CCR1: variants seen among roughly 807,000 people sequenced by gnomAD.
CCR1 encodes C-C chemokine receptor type 1.
Under a neutral mutation model 0.3 loss-of-function variants are expected in CCR1, and 1 was observed. The ratio of observed to expected loss-of-function variants is 3.70; its 90% CI spans 1.31 to 17.54. The LOEUF is 17.54. Among genes scored for constraint, CCR1 ranks in the 30% most tolerant of loss-of-function variants. The pLI is 0.11. For synonymous variants in CCR1, 207 were observed against 182.5 expected (o/e 1.13, Z -1.08); for missense variants, 349 against 435.4 (o/e 0.80, Z 1.77).
Position 46,202,782 on chromosome 3 carries a change from C to CGGGGGGGGGGGGGG in CCR1, c.*463_*464insCCCCCCCCCCCCCC, listed in dbSNP as rs1369711659. 3.0e-5 allele frequency: 2 copies of CGGGGGGGGGGGGGG among 66,634 alleles called. No homozygotes were observed. Among genetic ancestry groups the CGGGGGGGGGGGGGG allele is most frequent in the African/African-American group, 5.8e-5 (1 of 17,166 alleles). The allele number at this position is 66,634 out of a possible 1,614,324, so 4.1% of individuals were successfully genotyped here. ...AAGTTCTTTGGCAGTGGGAGGGTGGCGGGGGGGGGGAGGTGATGGAAGAAC... is the reference window on the plus strand; with the variant it reads ...AAGTTCTTTGGCAGTGGGAGGGTGGCGGGGGGGGGGGGGGGGGGGGGGGGAGGTGATGGAAGAAC... On this transcript the variant is annotated 3_prime_UTR_variant, in exon 2 of 2. Coordinates refer to ENST00000296140, the MANE Select transcript of CCR1 (RefSeq NM_001295.3).
In CCR1 at chr3:46,202,641, T is replaced by C. The variant is rs1699606584; in HGVS notation, c.*605A>G. ...CTCAACTCTTCCGTCATGAGTTCTATGTTCCCCAGGATTCCAAGAGCCCAA... is the reference window on the plus strand; with the variant it reads ...CTCAACTCTTCCGTCATGAGTTCTACGTTCCCCAGGATTCCAAGAGCCCAA... On this transcript the variant is annotated 3_prime_UTR_variant, in exon 2 of 2. Transcript: ENST00000296140. 1 of 152,184 alleles carries C rather than the reference T, an allele frequency of 6.6e-6. No homozygotes were observed. Among genetic ancestry groups the C allele is most frequent in the African/African-American group, 2.4e-5 (1 of 41,452 alleles). The allele number at this position is 152,184 out of a possible 1,614,324, so 9.4% of individuals were successfully genotyped here.
Position 46,203,157 on chromosome 3 carries a change from C to G in CCR1, c.*89G>C. 1 of 941,988 alleles carries G rather than the reference C, an allele frequency of 1.1e-6. No homozygotes were observed. Among genetic ancestry groups the G allele is most frequent in the Non-Finnish European group, 1.6e-6 (1 of 614,912 alleles). 58.4% of individuals were successfully genotyped at this position (941,988 alleles called of 1,614,324 possible). On this transcript the variant is annotated 3_prime_UTR_variant, in exon 2 of 2. Transcript: ENST00000296140. The surrounding 1 kb of genome is among the most constrained non-coding windows in gnomAD (Gnocchi z 4.5). ...TGTGACTCCATGCTGTGCCAAGAGT[C>G]AGAACCTGGCTGGGAGAGCCAGGCT... is the stretch of plus-strand genomic sequence containing the variant.
chr3:46,204,104 G>A lies in CCR1; in HGVS notation c.210C>T (p.Ser70=), dbSNP rs1485592413. 6.2e-7 allele frequency: 1 copy of A among 1,614,162 alleles called. No homozygotes were observed. The highest frequency in any genetic ancestry group is 2.2e-5 in the East Asian group (1 of 44,870). The change falls in exon 2 of 2, where the codon AGC becomes AGT. Residue 70 remains serine (S), a synonymous_variant. Transcript: ENST00000296140. ...AAATGGCCAGGTTCAGGAGGTAGAT[G>A]CTGGTCATGTTTTTTAGCCTCTTGT... ...VQYKRLKNMT[S]IYLLNLAISD...
Position 46,202,045 on chromosome 3 carries a change from G to A in CCR1, c.*1201C>T, listed in dbSNP as rs200138304. The A allele has an allele frequency of 6.6e-6, 1 of 152,092 alleles. No homozygotes were observed. Among genetic ancestry groups the A allele is most frequent in the Non-Finnish European group, 1.5e-5 (1 of 68,020 alleles). 9.4% of individuals were successfully genotyped at this position (152,092 alleles called of 1,614,324 possible). Reference sequence around the variant, plus strand: ...AAGGCATGATAAATAAGGGGTCCTTGGTTGGAGATGATGCATCCAGAACAT... The same window carrying A: ...AAGGCATGATAAATAAGGGGTCCTTAGTTGGAGATGATGCATCCAGAACAT... On this transcript the variant is annotated 3_prime_UTR_variant, in exon 2 of 2. Transcript: ENST00000296140.
At chr3:46,207,293 C>T (rs1559520988) in intron 1 of CCR1, among the ~76,000 whole-genome samples, 1 of 152,104 alleles carries the variant, frequency 6.6e-6, no homozygotes, top group East Asian at 1.9e-4. Context: ...TCCATCTCTT[C>T]TTTGAAATCT....
rs1399284516 is a variant in CCR1 at position 46,202,770 on chromosome 3, G to A, written c.*476C>T. On this transcript the variant is annotated 3_prime_UTR_variant, in exon 2 of 2. Coordinates refer to ENST00000296140, the MANE Select transcript of CCR1 (RefSeq NM_001295.3). ...ATCACTATTTCCAAGTTCTTTGGCA[G>A]TGGGAGGGTGGCGGGGGGGGGGAGG... is the stretch of plus-strand genomic sequence containing the variant. The A allele has an allele frequency of 1.4e-5, 2 of 147,138 alleles. No homozygotes were observed. The highest frequency in any genetic ancestry group is 5.1e-5 in the African/African-American group (2 of 39,192). The allele number at this position is 147,138 out of a possible 1,614,324, so 9.1% of individuals were successfully genotyped here. A position where few individuals can be genotyped will look rare whatever the true frequency, so the allele number is the denominator to read the frequency against.
At position 46,204,138 on chromosome 3, in the gene CCR1, A is replaced by G; in HGVS notation, c.176T>C (p.Leu59Pro). 6.2e-7 allele frequency: 1 copy of G among 1,614,194 alleles called. No individual in the cohort carries two copies. The highest frequency in any genetic ancestry group is 8.5e-7 in the Non-Finnish European group (1 of 1,180,030). The change falls in exon 2 of 2, where the codon CTT (leucine) becomes CCT (proline). Residue 59 changes from leucine to proline, a missense_variant. Transcript: ENST00000296140. ...LVGNILVVLV[L>P]VQYKRLKNMT... ...GTTTTTTAGCCTCTTGTATTGCACA[A>G]GGACCAGGACCACCAGGATGTTTCC...
chr3:46,204,015 A>G lies in CCR1; in HGVS notation c.299T>C (p.Val100Ala), dbSNP rs200558189. Residue 100 changes from valine (V) to alanine (A), a missense_variant, in exon 2 of 2, where the codon GTT becomes GCT. By Grantham distance (64) the Val-to-Ala change is moderately conservative. Coordinates refer to ENST00000296140, the MANE Select transcript of CCR1 (RefSeq NM_001295.3). ...GATCTTACACATGGCATCACCAAAA[A>G]CCCAGTCATCCTTCAACTTGTAGTC... ...WIDYKLKDDW[V>A]FGDAMCKILS... 40 of 1,614,072 alleles carry G rather than the reference A, an allele frequency of 2.5e-5. No homozygotes were observed. The highest frequency in any genetic ancestry group is 3.4e-5 in the Non-Finnish European group (40 of 1,180,038).
chr3:46,206,516 G>A (rs1699649828), intron 1 of CCR1, among the ~76,000 whole-genome samples: 1 of 152,178 alleles, frequency 6.6e-6, no homozygotes, highest in Non-Finnish European at 1.5e-5. Context: ...GTTAACAGTG[G>A]AAGTATGCAA....
rs1699601674 is a variant in CCR1, at chr3:46,202,163, C to T, written c.*1083G>A. The T allele has an allele frequency of 6.6e-6, 1 of 152,118 alleles. No individual in the cohort carries two copies. The highest frequency in any genetic ancestry group is 1.5e-5 in the Non-Finnish European group (1 of 68,020). 9.4% of individuals were successfully genotyped at this position (152,118 alleles called of 1,614,324 possible). On this transcript the variant is annotated 3_prime_UTR_variant, in exon 2 of 2. Transcript: ENST00000296140. ...CCACCCTCCTAGTAGACACTTTCCT[C>T]CCAACCCCCTATCAGCTACAAATAC...
Position 46,203,080 on chromosome 3 carries a change from A to T in CCR1, c.*166T>A. The T allele has an allele frequency of 5.3e-6, 3 of 564,356 alleles. No individual in the cohort carries two copies. Among genetic ancestry groups the T allele is most frequent in the Non-Finnish European group, 9.4e-6 (3 of 318,704 alleles). 35.0% of individuals were successfully genotyped at this position (564,356 alleles called of 1,614,324 possible). On this transcript the variant is annotated 3_prime_UTR_variant, in exon 2 of 2. Coordinates refer to ENST00000296140, the MANE Select transcript of CCR1 (RefSeq NM_001295.3). The surrounding 1 kb of genome is among the most constrained non-coding windows in gnomAD (Gnocchi z 4.5). ...TTCATGGAAAAGACTGAAGCCCCAG[A>T]AGCCTCAGAAGCCCCAGGCCACCAT...
chr3:46,203,253 C>G lies in CCR1; in HGVS notation c.1061G>C (p.Gly354Ala). ...GGCCTCCTATGGTCTGAGTCAGAAC[C>G]CAGCAGAGAGTTCATGCTCCCCTGT... ...PSTGEHELSAGF is the reference protein window; with the variant it reads ...PSTGEHELSAAF Residue 354 changes from glycine (G) to alanine (A), a missense_variant, in exon 2 of 2, where the codon GGG becomes GCG. Physicochemically the swap from Gly to Ala is moderately conservative, Grantham distance 60. Transcript: ENST00000296140. The surrounding 1 kb of genome is among the most constrained non-coding windows in gnomAD (Gnocchi z 4.5). 6.2e-7 allele frequency: 1 copy of G among 1,612,234 alleles called. No homozygotes were observed. The highest frequency in any genetic ancestry group is 1.1e-5 in the South Asian group (1 of 90,886).
Position 46,203,199 on chromosome 3 carries a change from TG to T in CCR1, c.*46del. 1 of 1,415,094 alleles carries T rather than the reference TG, an allele frequency of 7.1e-7. No homozygotes were observed. The highest frequency in any genetic ancestry group is 9.8e-7 in the Non-Finnish European group (1 of 1,019,274). The allele number at this position is 1,415,094 out of a possible 1,614,324, so 87.7% of individuals were successfully genotyped here. A position where few individuals can be genotyped will look rare whatever the true frequency, so the allele number is the denominator to read the frequency against. ...AGCCAGGCTGCTGGCTCAGTGTGCC[TG>T]GCAGGTCACGCCTGCTTATTTTGGG... On this transcript the variant is annotated 3_prime_UTR_variant, in exon 2 of 2. Coordinates refer to ENST00000296140, the MANE Select transcript of CCR1 (RefSeq NM_001295.3). The surrounding 1 kb of genome is among the most constrained non-coding windows in gnomAD (Gnocchi z 4.5).
intron 1 of CCR1, among the ~76,000 whole-genome samples, chr3:46,206,115 A>T (rs779417982): frequency 4.6e-5 from 7 of 152,140 alleles, no homozygotes; most frequent in Non-Finnish European, 1.0e-4. Flanking sequence ...AGTAGGTGGC[A>T]CCTACTTTAT....
At position 46,204,224 on chromosome 3, in the gene CCR1, C is replaced by T; in HGVS notation, c.90G>A (p.Arg30=). 6.2e-7 allele frequency: 1 copy of T among 1,614,008 alleles called. No individual in the cohort carries two copies. Among genetic ancestry groups the T allele is most frequent in the South Asian group, 1.1e-5 (1 of 91,064 alleles). The change falls in exon 2 of 2, where the codon AGG becomes AGA. Residue 30 remains arginine (R), a synonymous_variant. Transcript: ENST00000296140. ...GGGGCAGCAGTTGGGCCCCAAAGGCCCTCTCGTTCACCTTCTGGCACGGAG... is the reference window on the plus strand; with the variant it reads ...GGGGCAGCAGTTGGGCCCCAAAGGCTCTCTCGTTCACCTTCTGGCACGGAG... The part of the protein sequence containing the change: ...DATPCQKVNE[R]AFGAQLLPPL...
In CCR1 at chr3:46,206,701, T is replaced by C. The variant is rs143050951; in HGVS notation, c.-12+1581A>G. On this transcript the variant is annotated intron_variant, in intron 1 of 1. Transcript: ENST00000296140. ...ACCCATTTGTTATTTCCCCAACTTG[T>C]TAAGCCCCAGGCAACCACTCCAAGG... Among the ~76,000 whole-genome samples the C allele has an allele frequency of 4.6e-4, 70 of 152,316 alleles. 1 individual carries two copies. In the East Asian group the frequency reaches 0.012, roughly 27 times the overall value.
At position 46,203,447 on chromosome 3, in the gene CCR1, G is replaced by A. The variant is rs201375160; in HGVS notation, c.867C>T (p.Ile289=). ...GGTTGACACAGCAGTGCGTGTAGGCGATCACCTCCGTCACTTGCACAGCCA... is the reference window on the plus strand; with the variant it reads ...GGTTGACACAGCAGTGCGTGTAGGCAATCACCTCCGTCACTTGCACAGCCA... ...LDLAVQVTEV[I]AYTHCCVNPV... The change falls in exon 2 of 2, where the codon ATC becomes ATT. Residue 289 remains isoleucine (I), a synonymous_variant. Coordinates refer to ENST00000296140, the MANE Select transcript of CCR1 (RefSeq NM_001295.3). This position sits in a 1 kb window ranked among gnomAD's most constrained non-coding sequence, Gnocchi z 4.5. 2.9e-5 allele frequency: 47 copies of A among 1,614,128 alleles called. No individual in the cohort carries two copies. The South Asian group carries it at 3.4e-4, about 12-fold the overall frequency.
Position 46,203,550 on chromosome 3 carries a change from T to A in CCR1, c.764A>T (p.Tyr255Phe). The A allele has an allele frequency of 6.2e-7, 1 of 1,614,068 alleles. No homozygotes were observed. The highest frequency in any genetic ancestry group is 8.5e-7 in the Non-Finnish European group (1 of 1,179,992). ...AACAGAAATAAGTATAGTCAAATTG[T>A]AGGGGGTCCAAAAGAGAAAAAAGAT... The part of the protein sequence containing the change: ...MIIFFLFWTP[Y>F]NLTILISVFQ... The change falls in exon 2 of 2, where the codon TAC becomes TTC. Residue 255 changes from tyrosine (Y) to phenylalanine (F), a missense_variant. Tyr to Phe is a conservative substitution (Grantham distance 22, BLOSUM62 3). Transcript: ENST00000296140. The surrounding 1 kb of genome is among the most constrained non-coding windows in gnomAD (Gnocchi z 4.5).
In CCR1 at chr3:46,204,249, G is replaced by A. The variant is rs1396025106; in HGVS notation, c.65C>T (p.Thr22Ile). The part of the protein sequence containing the change: ...TTTEFDYGDA[T>I]PCQKVNERAF... ...CCTCTCGTTCACCTTCTGGCACGGA[G>A]TTGCATCCCCATAGTCAAACTCTGT... is the stretch of plus-strand genomic sequence containing the variant. The change falls in exon 2 of 2, where the codon ACT becomes ATT. Residue 22 changes from threonine to isoleucine, a missense_variant. Physicochemically the swap from Thr to Ile is moderately conservative, Grantham distance 89. Transcript: ENST00000296140. 9.3e-6 allele frequency: 15 copies of A among 1,613,548 alleles called. No individual in the cohort carries two copies. The highest frequency in any genetic ancestry group is 1.3e-5 in the African/African-American group (1 of 74,820).
Sources: allele counts gnomAD v4.1 joint callset (sites outside exome capture counted in the v4.1 genomes callset), GRCh38; gene constraint gnomAD v4.1.1; non-coding constraint Gnocchi (gnomAD v3.1); transcripts MANE v1.5; gene names NCBI Gene and HGNC (gene_info 2026-07-23, HGNC 2026-07-21).